KCNK3: variants seen among roughly 807,000 people sequenced by gnomAD.
KCNK3 encodes the protein potassium two pore domain channel subfamily K member 3.
KCNK3 carries 9 observed loss-of-function variants against 27.3 expected under a neutral mutation model. The ratio of observed to expected loss-of-function variants is 0.33; its 90% CI spans 0.20 to 0.57. KCNK3 has a LOEUF of 0.57. Ranked by LOEUF, KCNK3 falls within the 20% of genes least tolerant of loss-of-function variation. KCNK3 has a pLI of 0.87. For missense variants in KCNK3, 391 were observed against 577.7 expected (o/e 0.68, Z 3.31); for synonymous variants, 278 against 273.8 (o/e 1.02, Z -0.15).
At chr2:26,724,468 TG>T in intron 1 of KCNK3, 1 of 444,076 alleles carries the variant, frequency 2.3e-6, no homozygotes, top group Non-Finnish European at 3.0e-6. Flanking sequence ...AAGGCCTCTC[TG>T]GACTTCATGA....
rs1171214553 is a variant in KCNK3, at chr2:26,733,171, A to G, written c.*4603A>G. On this transcript the variant is annotated 3_prime_UTR_variant, in exon 2 of 2. Transcript: ENST00000302909. ...GCACAGCAGAGTGGAGGTGGGGTAT[A>G]AATATACCCAGATCCCCGCTGATTT... 1 of 152,240 alleles carries G rather than the reference A, an allele frequency of 6.6e-6. No individual in the cohort carries two copies. The highest frequency in any genetic ancestry group is 2.4e-5 in the African/African-American group (1 of 41,462). 9.4% of individuals were successfully genotyped at this position (152,240 alleles called of 1,614,324 possible). A position where few individuals can be genotyped will look rare whatever the true frequency, so the allele number is the denominator to read the frequency against.
Position 26,721,088 on chromosome 2 carries a change from G to A in KCNK3, c.284-6579G>A, listed in dbSNP as rs1435510394. 6.6e-6 allele frequency among the ~76,000 whole-genome samples: 1 copy of A among 152,146 alleles called. No individual in the cohort carries two copies. Among genetic ancestry groups the A allele is most frequent in the Non-Finnish European group, 1.5e-5 (1 of 68,008 alleles). ...CGTCCCCATCCTGGATGTCTAAGGG[G>A]TGGTTTCTCATCACCATCCCAGACC... On this transcript the variant is annotated intron_variant, in intron 1 of 1. Coordinates refer to ENST00000302909, the MANE Select transcript of KCNK3 (RefSeq NM_002246.3). This position sits in a 1 kb window ranked among gnomAD's most constrained non-coding sequence, Gnocchi z 4.3.
chr2:26,694,841 C>T (rs1311177589), intron 1 of KCNK3, among the ~76,000 whole-genome samples: 1 of 152,166 alleles, frequency 6.6e-6, no homozygotes, highest in Non-Finnish European at 1.5e-5. Flanking sequence ...CTCTTTTCCA[C>T]ACGTCAAGCC....
At chr2:26,711,553 G>A (rs1230303742) in intron 1 of KCNK3, among the ~76,000 whole-genome samples, 1 of 152,134 alleles carries the variant, frequency 6.6e-6, no homozygotes, top group Non-Finnish European at 1.5e-5. Flanking sequence ...GTATAGGGGA[G>A]AGAGTATGAG....
intron 1 of KCNK3, among the ~76,000 whole-genome samples, chr2:26,699,748 C>T (rs546396763): frequency 4.6e-5 from 7 of 152,284 alleles, no homozygotes; most frequent in African/African-American, 1.7e-4. Flanking sequence ...TGTAACAGGT[C>T]GGGTGCTGTC....
chr2:26,703,876 T>G (rs6748589), intron 1 of KCNK3, among the ~76,000 whole-genome samples: 8,347 of 152,168 alleles, frequency 0.055, 759 homozygotes, highest in African/African-American at 0.19. Flanking sequence ...GCGGTGAGCA[T>G]GACACACGCC....
rs1663424721 is a variant in KCNK3, at chr2:26,726,639, C to T, written c.284-1028C>T. ...AGTAATTTGCCCAAGGTCACACAGC[C>T]ACTAGGGCCCTGTCACTAGGGATGA... is the stretch of plus-strand genomic sequence containing the variant. On this transcript the variant is annotated intron_variant, in intron 1 of 1. Coordinates refer to ENST00000302909, the MANE Select transcript of KCNK3 (RefSeq NM_002246.3). 3.3e-5 allele frequency among the ~76,000 whole-genome samples: 5 copies of T among 152,290 alleles called. No individual in the cohort carries two copies. The South Asian group carries it at 1.0e-3, about 32-fold the overall frequency.
rs115648549 is a variant in KCNK3, at chr2:26,698,347, G to T, written c.283+5189G>T. 8.2e-3 allele frequency among the ~76,000 whole-genome samples: 1,249 copies of T among 152,262 alleles called. 9 individuals are homozygous for T. The highest frequency in any genetic ancestry group is 0.029 in the African/African-American group (1,204 of 41,532). On this transcript the variant is annotated intron_variant, in intron 1 of 1. Transcript: ENST00000302909. The stretch of plus-strand genomic sequence containing the variant: ...TAGGCACTGACTTGGAAGCTGGAGT[G>T]CCTGGGTTCATCTCAATCCACCCTA...
intron 1 of KCNK3, among the ~76,000 whole-genome samples, chr2:26,717,131 A>C (rs1375765555): frequency 6.6e-6 from 1 of 152,224 alleles, no homozygotes; most frequent in Non-Finnish European, 1.5e-5. Context: ...GCAAGGTAAT[A>C]GTAGAGCTAG....
intron 1 of KCNK3, among the ~76,000 whole-genome samples, chr2:26,713,451 T>C (rs151092271): frequency 1.6e-4 from 24 of 152,262 alleles, no homozygotes; most frequent in African/African-American, 5.5e-4. Flanking sequence ...GGAAGGTTTC[T>C]GAGTGGTGAA....
intron 1 of KCNK3, among the ~76,000 whole-genome samples, chr2:26,697,866 G>A (rs887061900): frequency 1.3e-5 from 2 of 152,148 alleles, no homozygotes; most frequent in Admixed American, 1.3e-4. Context: ...GTGAACTCAA[G>A]CAGGTGATTC....
chr2:26,702,661 T>C (rs1461953166), intron 1 of KCNK3, among the ~76,000 whole-genome samples: 1 of 152,178 alleles, frequency 6.6e-6, no homozygotes, highest in Non-Finnish European at 1.5e-5. Flanking sequence ...AAGCAGACAC[T>C]GGATGGACGT....
At chr2:26,726,016 G>A (rs1189767863) in intron 1 of KCNK3, among the ~76,000 whole-genome samples, 1 of 151,900 alleles carries the variant, frequency 6.6e-6, no homozygotes, top group African/African-American at 2.4e-5. Context: ...CCAAAGTCCT[G>A]TGAGGCAAGT....
At chr2:26,699,201 AAG>A (rs1298810805) in intron 1 of KCNK3, among the ~76,000 whole-genome samples, 37 of 83,618 alleles carry the variant, frequency 4.4e-4, no homozygotes, top group Non-Finnish European at 4.7e-4. Flanking sequence ...AAAGGAAGGA[AAG>A]AGAGAGAAAG....
chr2:26,728,244 C>T lies in KCNK3; in HGVS notation c.861C>T (p.Ser287=), dbSNP rs1207096601. ...GSAHTTDTAS[S]TAAAGGGGFR... is the part of the protein sequence containing the mutation. ...CGCACACTACGGACACCGCCTCATC[C>T]ACGGCGGCAGCGGGCGGCGGCGGCT... The change falls in exon 2 of 2, where the codon TCC becomes TCT. Residue 287 remains serine (S), a synonymous_variant. Transcript: ENST00000302909. The T allele has an allele frequency of 1.9e-6, 3 of 1,577,838 alleles. No homozygotes were observed. The highest frequency in any genetic ancestry group is 2.6e-6 in the Non-Finnish European group (3 of 1,161,904).
At chr2:26,727,068 G>A (rs1663433431) in intron 1 of KCNK3, among the ~76,000 whole-genome samples, 1 of 152,186 alleles carries the variant, frequency 6.6e-6, no homozygotes, top group Non-Finnish European at 1.5e-5. Flanking sequence ...TTGTTGCCAA[G>A]CAACCCCACA....
At chr2:26,699,028 C>G (rs376911817) in intron 1 of KCNK3, among the ~76,000 whole-genome samples, 1 of 151,776 alleles carries the variant, frequency 6.6e-6, no homozygotes, top group East Asian at 1.9e-4. Flanking sequence ...AAATACAAAA[C>G]TTAGCCGGGC....
At position 26,727,800 on chromosome 2, in the gene KCNK3, G is replaced by C; in HGVS notation, c.417G>C (p.Leu139=). 2.5e-6 allele frequency: 4 copies of C among 1,611,004 alleles called. No homozygotes were observed. The South Asian group carries it at 3.3e-5, about 13-fold the overall frequency. The change falls in exon 2 of 2, where the codon CTG becomes CTC. Residue 139 remains leucine (L), a synonymous_variant. Transcript: ENST00000302909. ...GERINTLVRY[L]LHRAKKGLGM... Reference sequence around the variant, plus strand: ...GCATCAACACCTTGGTGAGGTACCTGCTGCACCGCGCCAAGAAGGGGCTGG... The same window carrying C: ...GCATCAACACCTTGGTGAGGTACCTCCTGCACCGCGCCAAGAAGGGGCTGG...
rs1484229875 is a variant in KCNK3, at chr2:26,693,606, T to C, written c.283+448T>C. On this transcript the variant is annotated intron_variant, in intron 1 of 1. Coordinates refer to ENST00000302909, the MANE Select transcript of KCNK3 (RefSeq NM_002246.3). The surrounding 1 kb of genome is among the most constrained non-coding windows in gnomAD (Gnocchi z 5.5). Reference sequence around the variant, plus strand: ...ACACCTGCTGGGCTCTGGGGAGGCATGAGGATGTCGGAATGCGGCACTTCG... The same window carrying C: ...ACACCTGCTGGGCTCTGGGGAGGCACGAGGATGTCGGAATGCGGCACTTCG... Among the ~76,000 whole-genome samples the C allele has an allele frequency of 6.6e-6, 1 of 152,048 alleles. No individual in the cohort carries two copies. Among genetic ancestry groups the C allele is most frequent in the Non-Finnish European group, 1.5e-5 (1 of 67,990 alleles).
Sources: gnomAD v4.1 joint callset for allele counts (sites outside exome capture counted in the v4.1 genomes callset) on GRCh38, gnomAD v4.1.1 for gene constraint, Gnocchi (gnomAD v3.1) non-coding constraint, MANE v1.5 for transcripts, NCBI Gene and HGNC (gene_info 2026-07-23, HGNC 2026-07-21) for gene names.